ZNF385B: variants seen among roughly 807,000 people sequenced by gnomAD.
The protein encoded by ZNF385B is zinc finger protein 533.
A neutral mutation model predicts 39.2 loss-of-function variants in ZNF385B; 23 were observed. The ratio of observed to expected loss-of-function variants is 0.59; its 90% confidence interval spans 0.42 to 0.83. The LOEUF (loss-of-function observed/expected upper bound fraction) is 0.83, where lower values mean the gene tolerates loss of function less well. ZNF385B is among the 40% of genes least tolerant of loss of function. The probability of loss-of-function intolerance (pLI) is 0.00; values close to 1 mark genes in which losing one functional copy is unlikely to be tolerated. For missense variants in ZNF385B, 552 were observed against 598.9 expected (o/e 0.92, Z 0.82); for synonymous variants, 205 against 222.6 (o/e 0.92, Z 0.70).
At chr2:179,727,393 T>C (rs915903587) in intron 3 of ZNF385B, among the ~76,000 whole-genome samples, 5 of 152,040 alleles carry the variant, frequency 3.3e-5, no homozygotes, top group Non-Finnish European at 5.9e-5. Flanking sequence ...TCTTAGGATC[T>C]TGCAGCATGA....
At chr2:179,757,944 C>T (rs376893826) in intron 3 of ZNF385B, among the ~76,000 whole-genome samples, 11 of 152,132 alleles carry the variant, frequency 7.2e-5, no homozygotes, top group Admixed American at 2.0e-4. Flanking sequence ...CTTTGGCTCA[C>T]GCTCGGTGGG....
At chr2:179,482,995 T>C (rs1458371335) in intron 6 of ZNF385B, among the ~76,000 whole-genome samples, 1 of 151,540 alleles carries the variant, frequency 6.6e-6, no homozygotes, top group Non-Finnish European at 1.5e-5. Context: ...TGTGATCAAG[T>C]AGTCTCTACT....
chr2:179,807,773 T>C (rs1706456020), intron 1 of ZNF385B, among the ~76,000 whole-genome samples: 1 of 151,366 alleles, frequency 6.6e-6, no homozygotes, highest in Non-Finnish European at 1.5e-5. Context: ...CAGGCGCCTG[T>C]AGTCCCAGCT....
intron 3 of ZNF385B, among the ~76,000 whole-genome samples, chr2:179,717,834 G>A (rs1268342358): frequency 1.3e-5 from 2 of 152,176 alleles, no homozygotes; most frequent in Admixed American, 1.3e-4. Context: ...TGAGGAAAGC[G>A]AAAAGCATAG....
At chr2:179,518,768 C>A in intron 4 of ZNF385B, 130 bp from the exon 5 acceptor site, 1 of 520,570 alleles carries the variant, frequency 1.9e-6, no homozygotes, top group East Asian at 3.3e-5. Context: ...AATAAAGAGT[C>A]TCCTTCAACA....
At chr2:179,847,589 C>G (rs557857211) in intron 1 of ZNF385B, among the ~76,000 whole-genome samples, 40 of 152,190 alleles carry the variant, frequency 2.6e-4, no homozygotes, top group African/African-American at 8.4e-4. Flanking sequence ...TTTCCTAAAC[C>G]CTTCTCTTTT....
At chr2:179,470,408 T>C (rs1581253) in intron 6 of ZNF385B, among the ~76,000 whole-genome samples, 97,031 of 152,034 alleles carry the variant, frequency 0.64, 31,397 homozygotes, top group South Asian at 0.79. Context: ...GGCCGCATCT[T>C]GCAAAACTGA....
chr2:179,667,997 G>C (rs1224020015), intron 3 of ZNF385B, among the ~76,000 whole-genome samples: 2 of 152,162 alleles, frequency 1.3e-5, no homozygotes, highest in Non-Finnish European at 2.9e-5. Context: ...CTAATCAAGA[G>C]AAAATGACTT....
At chr2:179,756,503 T>C (rs983118655) in intron 3 of ZNF385B, among the ~76,000 whole-genome samples, 1 of 152,174 alleles carries the variant, frequency 6.6e-6, no homozygotes, top group Non-Finnish European at 1.5e-5. Flanking sequence ...TTCTCTGTAT[T>C]TCCTGAATTT....
At chr2:179,465,444 G>A (rs1389642292) in intron 6 of ZNF385B, among the ~76,000 whole-genome samples, 1 of 152,022 alleles carries the variant, frequency 6.6e-6, no homozygotes, top group Non-Finnish European at 1.5e-5. Context: ...ATATTTCATG[G>A]GTATTTCAAA....
intron 5 of ZNF385B, among the ~76,000 whole-genome samples, chr2:179,506,538 T>C (rs571865019): frequency 2.8e-4 from 42 of 152,262 alleles, no homozygotes; most frequent in Non-Finnish European, 5.6e-4. Flanking sequence ...TTTGATTGTA[T>C]TAAAATTCAC....
intron 1 of ZNF385B, among the ~76,000 whole-genome samples, chr2:179,838,410 T>C (rs1301561062): frequency 6.6e-6 from 1 of 152,218 alleles, no homozygotes; most frequent in Admixed American, 6.5e-5. Context: ...GATTTATCTT[T>C]TTACCCCTCA....
intron 3 of ZNF385B, among the ~76,000 whole-genome samples, chr2:179,725,582 A>G (rs1256313896): frequency 6.6e-6 from 1 of 151,468 alleles, no homozygotes; most frequent in Non-Finnish European, 1.5e-5. Context: ...TAGTTTTGAT[A>G]TGTATTCATA....
chr2:179,575,085 A>G (rs1515306), intron 3 of ZNF385B, among the ~76,000 whole-genome samples: 91,533 of 151,800 alleles, frequency 0.6, 27,724 homozygotes, highest in East Asian at 0.72. Context: ...TCTCTCTGCC[A>G]ATGACTGCTA....
At chr2:179,798,977 C>G (rs1353586560) in intron 1 of ZNF385B, among the ~76,000 whole-genome samples, 1 of 151,910 alleles carries the variant, frequency 6.6e-6, no homozygotes, top group African/African-American at 2.4e-5. Context: ...AATGGTTTAT[C>G]CATTCTATTT....
chr2:179,681,766 T>C (rs541843088), intron 3 of ZNF385B, among the ~76,000 whole-genome samples: 1 of 152,232 alleles, frequency 6.6e-6, no homozygotes, highest in Non-Finnish European at 1.5e-5. Context: ...GGGAAATGGA[T>C]GCAATTCCAT....
At chr2:179,564,158 A>G (rs988254872) in intron 3 of ZNF385B, among the ~76,000 whole-genome samples, 1 of 152,136 alleles carries the variant, frequency 6.6e-6, no homozygotes, top group Non-Finnish European at 1.5e-5. Flanking sequence ...AACACTGGGG[A>G]TGGGGCCCAG....
chr2:179,449,420 A>C (rs1296118334), intron 6 of ZNF385B, among the ~76,000 whole-genome samples: 1 of 152,176 alleles, frequency 6.6e-6, no homozygotes, highest in African/African-American at 2.4e-5. Flanking sequence ...ATACAAAATC[A>C]ATGTGCAAAA....
At chr2:179,730,576 T>C (rs1701323499) in intron 3 of ZNF385B, among the ~76,000 whole-genome samples, 1 of 152,186 alleles carries the variant, frequency 6.6e-6, no homozygotes, top group Non-Finnish European at 1.5e-5. Flanking sequence ...ATAGTAAATG[T>C]ATGAGAAAAT....
Sources: gnomAD v4.1 joint callset for allele counts (sites outside exome capture counted in the v4.1 genomes callset) on GRCh38, gnomAD v4.1.1 for gene constraint, MANE v1.5 for transcripts, NCBI Gene and HGNC (gene_info 2026-07-23, HGNC 2026-07-21) for gene names.